The following KCNQ3 variants were observed in gnomAD, a reference collection of about 807,000 sequenced individuals.
KCNQ3 encodes potassium voltage-gated channel subfamily KQT member 3.
Under a neutral mutation model 92.5 loss-of-function variants are expected in KCNQ3, and 30 were observed. That is an observed-to-expected ratio of 0.32 (90% CI 0.24 to 0.44). KCNQ3 has a LOEUF of 0.44. KCNQ3 is among the 20% of genes least tolerant of loss of function. The pLI, the probability that KCNQ3 is intolerant of heterozygous loss-of-function variation, is 1.00. For missense variants in KCNQ3, 913 were observed against 1,140.3 expected, an observed-to-expected ratio of 0.80 and a Z score of 2.87; for synonymous variants, 450 against 468.8, an observed-to-expected ratio of 0.96 and a Z score of 0.52.
At chr8:132,268,327 C>T (rs529223112) in intron 1 of KCNQ3, among the ~76,000 whole-genome samples, 7 of 152,226 alleles carry the variant, frequency 4.6e-5, no homozygotes, top group East Asian at 1.9e-4. Flanking sequence ...CCCAGCAGCG[C>T]GATCTTGGCT....
intron 1 of KCNQ3, among the ~76,000 whole-genome samples, chr8:132,382,954 C>A (rs951598299): frequency 2.0e-5 from 3 of 152,226 alleles, no homozygotes; most frequent in African/African-American, 7.2e-5. Context: ...CCTCAGGGAG[C>A]TGTTGGAAGG....
intron 1 of KCNQ3, among the ~76,000 whole-genome samples, chr8:132,340,865 T>C (rs1294408551): frequency 2.0e-5 from 3 of 152,222 alleles, no homozygotes; most frequent in Non-Finnish European, 4.4e-5. Flanking sequence ...TCATTGCACC[T>C]ATATTGAGCA....
intron 1 of KCNQ3, among the ~76,000 whole-genome samples, chr8:132,229,091 TAA>T: frequency 6.6e-6 from 1 of 152,148 alleles, no homozygotes; most frequent in East Asian, 1.9e-4. Context: ...CCGTCTCTAC[TAA>T]AAATACAGAA....
chr8:132,216,944 T>C (rs1814051435), intron 1 of KCNQ3, among the ~76,000 whole-genome samples: 1 of 152,114 alleles, frequency 6.6e-6, no homozygotes. Flanking sequence ...GGTAAACTTA[T>C]TAAAGAACAA....
rs138948158 is a variant in KCNQ3, at chr8:132,317,655, C to T, written c.387-131474G>A. The stretch of plus-strand genomic sequence containing the variant: ...GTCAGTCACAGAAGTGGAAGACCAG[C>T]CCAGGCAGTGGAACTCGTCCTCTGC... On this transcript the variant is annotated intron_variant, in intron 1 of 14. Transcript: ENST00000388996. 1.0e-3 allele frequency among the ~76,000 whole-genome samples: 158 copies of T among 152,276 alleles called. 1 individual carries two copies. In the East Asian group the frequency reaches 0.029, roughly 28 times the overall value.
At chr8:132,391,507 A>G (rs1220588089) in intron 1 of KCNQ3, among the ~76,000 whole-genome samples, 1 of 152,112 alleles carries the variant, frequency 6.6e-6, no homozygotes, top group Non-Finnish European at 1.5e-5. Context: ...GGGTAATGGC[A>G]CTGACAAAAC....
chr8:132,377,998 G>T (rs1181613575), intron 1 of KCNQ3, among the ~76,000 whole-genome samples: 1 of 152,162 alleles, frequency 6.6e-6, no homozygotes, highest in South Asian at 2.1e-4. Flanking sequence ...TTGGAAGAAG[G>T]TTCTACAAGG....
intron 1 of KCNQ3, among the ~76,000 whole-genome samples, chr8:132,234,836 C>T (rs1259866918): frequency 6.6e-6 from 1 of 152,290 alleles, no homozygotes; most frequent in South Asian, 2.1e-4. Context: ...CTATGCACTC[C>T]TCTCCATCAC....
Position 132,129,582 on chromosome 8 carries a change from G to C in KCNQ3, c.2299C>G (p.Gln767Glu). 6.2e-7 allele frequency: 1 copy of C among 1,614,200 alleles called. No individual in the cohort carries two copies. The highest frequency in any genetic ancestry group is 8.5e-7 in the Non-Finnish European group (1 of 1,180,034). ...RVSCHSQADL[Q>E]GPYSDRISPR... ...GAGATTCGGTCCGAGTAGGGGCCCTGCAGGTCAGCCTGGGAGTGGCAGCTC... is the reference window on the plus strand; with the variant it reads ...GAGATTCGGTCCGAGTAGGGGCCCTCCAGGTCAGCCTGGGAGTGGCAGCTC... Residue 767 changes from glutamine (Q) to glutamate (E), a missense_variant, in exon 15 of 15, where the codon CAG (glutamine) becomes GAG (glutamate). This residue lies in a region of KCNQ3 where 375 missense variants were observed against 376.4 expected (regional missense o/e 1.00). Transcript: ENST00000388996. The surrounding 1 kb of genome is among the most constrained non-coding windows in gnomAD (Gnocchi z 5.9).
Position 132,251,726 on chromosome 8 carries a change from T to C in KCNQ3, c.387-65545A>G, listed in dbSNP as rs1815415739. Among the ~76,000 whole-genome samples the C allele has an allele frequency of 2.0e-5, 3 of 152,212 alleles. No individual in the cohort carries two copies. The South Asian group carries it at 6.2e-4, about 32-fold the overall frequency. On this transcript the variant is annotated intron_variant, in intron 1 of 14. Coordinates refer to ENST00000388996, the MANE Select transcript of KCNQ3 (RefSeq NM_004519.4). ...GTATCACTATAGGCTACTCAAGTTC[T>C]TTCTGGAAGAAGGCCTCCTATAAAA...
At chr8:132,463,876 A>T (rs1822113486) in intron 1 of KCNQ3, among the ~76,000 whole-genome samples, 1 of 152,232 alleles carries the variant, frequency 6.6e-6, no homozygotes, top group African/African-American at 2.4e-5. Context: ...GCAATGGCAC[A>T]GTCTCGGCTC....
chr8:132,407,931 A>G (rs1190657361), intron 1 of KCNQ3, among the ~76,000 whole-genome samples: 2 of 152,140 alleles, frequency 1.3e-5, no homozygotes, highest in Non-Finnish European at 2.9e-5. Flanking sequence ...CATCCATTAC[A>G]TGATGGGGTG....
chr8:132,243,346 T>C (rs539208283), intron 1 of KCNQ3, among the ~76,000 whole-genome samples: 129 of 152,042 alleles, frequency 8.5e-4, no homozygotes, highest in African/African-American at 3.0e-3. Context: ...GGAAAGAAAA[T>C]GTGAGGTGGA....
At chr8:132,228,023 G>T (rs1814489784) in intron 1 of KCNQ3, among the ~76,000 whole-genome samples, 1 of 152,044 alleles carries the variant, frequency 6.6e-6, no homozygotes, top group African/African-American at 2.4e-5. Flanking sequence ...ACATGATTGT[G>T]TTTAGTTCCC....
chr8:132,205,776 C>T (rs1286501826), intron 1 of KCNQ3, among the ~76,000 whole-genome samples: 1 of 152,138 alleles, frequency 6.6e-6, no homozygotes, highest in African/African-American at 2.4e-5. Flanking sequence ...TGGAGATATT[C>T]AATAGATTGG....
At position 132,124,569 on chromosome 8, in the gene KCNQ3, C is replaced by T. The variant is rs915285284; in HGVS notation, c.*4693G>A. The T allele has an allele frequency of 6.6e-6, 1 of 152,226 alleles. No individual in the cohort carries two copies. Among genetic ancestry groups the T allele is most frequent in the Admixed American group, 6.5e-5 (1 of 15,280 alleles). The allele number at this position is 152,226 out of a possible 1,614,324, so 9.4% of individuals were successfully genotyped here. ...AAAACCACTAAAGCTATGCAGATAG[C>T]CTGGTCCTAACATGTTCTAAACTGG... On this transcript the variant is annotated 3_prime_UTR_variant, in exon 15 of 15. Transcript: ENST00000388996.
At chr8:132,342,682 T>C (rs1464797748) in intron 1 of KCNQ3, among the ~76,000 whole-genome samples, 1 of 152,230 alleles carries the variant, frequency 6.6e-6, no homozygotes, top group African/African-American at 2.4e-5. Context: ...CCTATTGTCT[T>C]GCCCTAGTCA....
intron 1 of KCNQ3, among the ~76,000 whole-genome samples, chr8:132,254,199 G>A (rs542511585): frequency 1.4e-4 from 21 of 152,310 alleles, no homozygotes; most frequent in African/African-American, 4.6e-4. Flanking sequence ...GTTGCTTTAG[G>A]AAGAGGTAGG....
At chr8:132,364,670 T>TGGACGGACGGAC (rs142558838) in intron 1 of KCNQ3, among the ~76,000 whole-genome samples, 8 of 149,110 alleles carry the variant, frequency 5.4e-5, no homozygotes, top group African/African-American at 1.5e-4. Context: ...AGTAAATGGA[T>TGGACGGACGGAC]GGACGGACGG....
Sources: allele counts gnomAD v4.1 joint callset (sites outside exome capture counted in the v4.1 genomes callset), GRCh38; gene constraint gnomAD v4.1.1; regional missense constraint gnomAD v4.1.1; non-coding constraint Gnocchi (gnomAD v3.1); transcripts MANE v1.5; gene names NCBI Gene and HGNC (gene_info 2026-07-23, HGNC 2026-07-21).